Variants in FRAS1 observed in about 807,000 individuals in gnomAD.
The protein encoded by FRAS1 is extracellular matrix organizing protein FRAS1.
A neutral mutation model predicts 435.2 loss-of-function variants in FRAS1; 290 were observed. The observed-to-expected ratio is 0.67, with a 90% CI of 0.61 to 0.73. FRAS1 has a LOEUF of 0.73. FRAS1 is among the 30% of genes least tolerant of loss of function. The pLI, the probability that FRAS1 is intolerant of heterozygous loss-of-function variation, is 0.00. For missense variants in FRAS1, 4,860 were observed against 5,001.5 expected (o/e 0.97, Z 0.85); for synonymous variants, 1,800 against 1,851.0 (o/e 0.97, Z 0.71).
chr4:78,513,371 T>TTTCTG, intron 64 of FRAS1, 21 bp from the exon 65 acceptor site: 2 of 1,612,888 alleles, frequency 1.2e-6, no homozygotes, highest in Admixed American at 1.7e-5. Flanking sequence ...TAAACATTTA[T>TTTCTG]TTCTGCCTTT....
At chr4:78,143,131 G>C (rs190989962) in intron 2 of FRAS1, among the ~76,000 whole-genome samples, 2 of 152,064 alleles carry the variant, frequency 1.3e-5, no homozygotes, top group East Asian at 3.9e-4. Context: ...TTAAAAATAA[G>C]TATTCAGAAA....
intron 2 of FRAS1, among the ~76,000 whole-genome samples, chr4:78,138,902 T>C (rs1387077845): frequency 6.6e-6 from 1 of 152,224 alleles, no homozygotes; most frequent in Non-Finnish European, 1.5e-5. Flanking sequence ...TGAACATTTA[T>C]TGAATCCTGA....
intron 29 of FRAS1, among the ~76,000 whole-genome samples, chr4:78,396,736 CTG>C (rs1313014862): frequency 1.3e-5 from 2 of 152,164 alleles, no homozygotes; most frequent in East Asian, 3.8e-4. Flanking sequence ...ACTCCTCTGA[CTG>C]GATAGTTTCA....
intron 2 of FRAS1, among the ~76,000 whole-genome samples, chr4:78,204,707 A>G (rs192160396): frequency 1.4e-3 from 215 of 152,296 alleles, no homozygotes; most frequent in African/African-American, 4.9e-3. Context: ...GACCATTTAC[A>G]TTGACTAACT....
At chr4:78,125,771 C>G (rs900907245) in intron 2 of FRAS1, among the ~76,000 whole-genome samples, 1 of 152,142 alleles carries the variant, frequency 6.6e-6, no homozygotes, top group Admixed American at 6.5e-5. Context: ...AGAGGGCACC[C>G]GCCTGTTTGA....
At chr4:78,360,518 A>G (rs974301691) in intron 20 of FRAS1, among the ~76,000 whole-genome samples, 1 of 152,180 alleles carries the variant, frequency 6.6e-6, no homozygotes, top group African/African-American at 2.4e-5. Flanking sequence ...TCAAGAATAT[A>G]GGTGTAGGCA....
At chr4:78,230,183 G>T (rs774557977) in intron 2 of FRAS1, among the ~76,000 whole-genome samples, 1 of 152,220 alleles carries the variant, frequency 6.6e-6, no homozygotes, top group Non-Finnish European at 1.5e-5. Flanking sequence ...ATCATGCCAG[G>T]ATGCTGAAAT....
chr4:78,365,938 C>G (rs372617099), intron 22 of FRAS1, among the ~76,000 whole-genome samples: 2 of 149,070 alleles, frequency 1.3e-5, no homozygotes, highest in African/African-American at 4.9e-5. Context: ...GCACTCCAGC[C>G]TGGGTGACAG....
At chr4:78,081,121 G>T (rs939757243) in intron 2 of FRAS1, among the ~76,000 whole-genome samples, 8 of 152,302 alleles carry the variant, frequency 5.3e-5, no homozygotes, top group African/African-American at 1.7e-4. Flanking sequence ...AGACTGTGAG[G>T]ATGGGGGTTT....
chr4:78,452,245 C>T lies in FRAS1; in HGVS notation c.6654C>T (p.Ile2218=). ...TGGATGAAAACTCAGTGAAGAAAAT[C>T]ACCACCCTGCAGCTGTCTGCCACTG... ...LVLDENSVKK[I]TTLQLSATDQ... Residue 2218 remains isoleucine (I), a synonymous_variant, in exon 47 of 74, where the codon ATC becomes ATT. Coordinates refer to ENST00000512123, the MANE Select transcript of FRAS1 (RefSeq NM_025074.7). 1 of 1,613,790 alleles carries T rather than the reference C, an allele frequency of 6.2e-7. No individual in the cohort carries two copies. The highest frequency in any genetic ancestry group is 8.5e-7 in the Non-Finnish European group (1 of 1,179,738).
intron 2 of FRAS1, among the ~76,000 whole-genome samples, chr4:78,127,549 T>C (rs1475856647): frequency 6.6e-6 from 1 of 152,048 alleles, no homozygotes; most frequent in Non-Finnish European, 1.5e-5. Context: ...AGTAAGGTCA[T>C]TAAGACTTGG....
intron 38 of FRAS1, among the ~76,000 whole-genome samples, chr4:78,437,928 G>A (rs1213835727): frequency 2.6e-5 from 4 of 152,142 alleles, no homozygotes; most frequent in Admixed American, 6.5e-5. Context: ...TAGAAGGGAA[G>A]AGAAATGTTC....
At chr4:78,365,948 G>A (rs544028776) in intron 22 of FRAS1, among the ~76,000 whole-genome samples, 1 of 144,476 alleles carries the variant, frequency 6.9e-6, no homozygotes, top group Non-Finnish European at 1.5e-5. Context: ...CTGGGTGACA[G>A]AGCAAGAGTC....
At chr4:78,099,032 A>G (rs111960730) in intron 2 of FRAS1, among the ~76,000 whole-genome samples, 39 of 152,210 alleles carry the variant, frequency 2.6e-4, no homozygotes, top group African/African-American at 9.1e-4. Flanking sequence ...ACTTTTTACA[A>G]CTTCCTCTCT....
chr4:78,460,425 C>A (rs1333499761), intron 47 of FRAS1, among the ~76,000 whole-genome samples: 1 of 152,192 alleles, frequency 6.6e-6, no homozygotes, highest in African/African-American at 2.4e-5. Flanking sequence ...CCTGCTGTGA[C>A]AGCGGTAGGG....
chr4:78,231,183 C>G (rs1724505257), intron 2 of FRAS1, among the ~76,000 whole-genome samples: 1 of 152,016 alleles, frequency 6.6e-6, no homozygotes, highest in Non-Finnish European at 1.5e-5. Flanking sequence ...TCTCAAACTC[C>G]TGACCTCGTG....
At chr4:78,120,252 ATG>A (rs1267052363) in intron 2 of FRAS1, among the ~76,000 whole-genome samples, 2 of 152,228 alleles carry the variant, frequency 1.3e-5, no homozygotes, top group African/African-American at 4.8e-5. Context: ...AACCTTGTTT[ATG>A]TGAGTTCAAA....
intron 1 of FRAS1, among the ~76,000 whole-genome samples, chr4:78,061,718 T>C (rs539357072): frequency 1.8e-4 from 27 of 152,332 alleles, no homozygotes; most frequent in Admixed American, 1.2e-3. Flanking sequence ...AAAAGTAACC[T>C]AATTCTTTTA....
chr4:78,221,214 A>G (rs1724039240), intron 2 of FRAS1, among the ~76,000 whole-genome samples: 1 of 152,152 alleles, frequency 6.6e-6, no homozygotes, highest in Non-Finnish European at 1.5e-5. Flanking sequence ...AACTCAAGAA[A>G]TGGTAATATA....
Sources: allele counts gnomAD v4.1 joint callset (sites outside exome capture counted in the v4.1 genomes callset), GRCh38; gene constraint gnomAD v4.1.1; transcripts MANE v1.5; gene names NCBI Gene and HGNC (gene_info 2026-07-23, HGNC 2026-07-21).